The following TAOK3 variants were observed in gnomAD, a reference collection of about 807,000 sequenced individuals.
TAOK3 encodes the protein TAO kinase 3, also known as serine/threonine-protein kinase TAO3.
In TAOK3, 40 loss-of-function variants were observed where a neutral mutation model predicts 120.4. The ratio of observed to expected loss-of-function variants is 0.33; its 90% CI spans 0.26 to 0.43. TAOK3 has a LOEUF of 0.43. Among genes scored for constraint, TAOK3 ranks in the 20% least tolerant of loss-of-function variants. The pLI, the probability that TAOK3 is intolerant of heterozygous loss-of-function variation, is 1.00. For synonymous variants in TAOK3, 355 were observed against 387.5 expected, an observed-to-expected ratio of 0.92 and a Z score of 0.99; for missense variants, 821 against 1,112.1, an observed-to-expected ratio of 0.74 and a Z score of 3.72.
intron 1 of TAOK3, among the ~76,000 whole-genome samples, chr12:118,343,173 A>AT (rs2044698831): frequency 6.6e-6 from 1 of 152,156 alleles, no homozygotes; most frequent in South Asian, 2.1e-4. Context: ...CATGCCTGCA[A>AT]TCCCAGCACT....
At chr12:118,152,191 C>T (rs1203176289) in intron 20 of TAOK3, 36 bp downstream of exon 20, 2 of 1,591,108 alleles carry the variant, frequency 1.3e-6, no homozygotes, top group Non-Finnish European at 1.7e-6. Context: ...CCCCCTTCCA[C>T]CCAGTGGCAC....
At chr12:118,343,020 C>G (rs2044690939) in intron 1 of TAOK3, among the ~76,000 whole-genome samples, 1 of 146,328 alleles carries the variant, frequency 6.8e-6, no homozygotes, top group Non-Finnish European at 1.5e-5. Context: ...ACTTCAGATA[C>G]TGTTTCTTAG....
intron 15 of TAOK3, 71 bp from the exon 16 acceptor site, chr12:118,177,400 A>T (rs1398888760): frequency 2.0e-5 from 28 of 1,386,744 alleles, no homozygotes; most frequent in Non-Finnish European, 2.6e-5. Context: ...TATATTCTCC[A>T]GTGCAGTAAG....
At chr12:118,361,180 T>C (rs1051955406) in intron 1 of TAOK3, among the ~76,000 whole-genome samples, 1 of 152,182 alleles carries the variant, frequency 6.6e-6, no homozygotes, top group Non-Finnish European at 1.5e-5. Context: ...AATTTTATTA[T>C]TATTTTGGTC....
At position 118,161,583 on chromosome 12, in the gene TAOK3, T is replaced by A. The variant is rs1402536725; in HGVS notation, c.2139+205A>T. On this transcript the variant is annotated intron_variant, in intron 18 of 20. Transcript: ENST00000392533. This position sits in a 1 kb window ranked among gnomAD's most constrained non-coding sequence, Gnocchi z 4.5. The stretch of plus-strand genomic sequence containing the variant: ...TGACAAATTGATAGATAATGTAGTA[T>A]AATAATAGTTTCCAAACCAGCTTGC... 6.6e-6 allele frequency among the ~76,000 whole-genome samples: 1 copy of A among 152,218 alleles called. No homozygotes were observed. The highest frequency in any genetic ancestry group is 1.5e-5 in the Non-Finnish European group (1 of 68,038).
intron 1 of TAOK3, among the ~76,000 whole-genome samples, chr12:118,357,208 T>A (rs2045433274): frequency 6.6e-6 from 1 of 152,206 alleles, no homozygotes; most frequent in Non-Finnish European, 1.5e-5. Context: ...GAATCTCAAT[T>A]TCAAGCTAAA....
chr12:118,353,094 G>A (rs775744838), intron 1 of TAOK3, among the ~76,000 whole-genome samples: 41 of 152,068 alleles, frequency 2.7e-4, no homozygotes, highest in Non-Finnish European at 5.0e-4. Flanking sequence ...CTTATGCTAG[G>A]AACTGTGAAA....
intron 1 of TAOK3, among the ~76,000 whole-genome samples, chr12:118,295,887 A>G (rs2042662347): frequency 6.6e-6 from 1 of 152,248 alleles, no homozygotes; most frequent in South Asian, 2.1e-4. Context: ...TAGGCATTAG[A>G]AATCATTGTT....
chr12:118,168,520 T>G (rs73220123), intron 17 of TAOK3, among the ~76,000 whole-genome samples: 15,748 of 152,282 alleles, frequency 0.1, 1,081 homozygotes, highest in Middle Eastern at 0.31. Flanking sequence ...TAAAAAGAAC[T>G]TTCACTACTT....
At chr12:118,217,835 A>G (rs867695874) in intron 9 of TAOK3, among the ~76,000 whole-genome samples, 1,234 of 102,484 alleles carry the variant, frequency 0.012, 89 homozygotes, top group African/African-American at 0.037. Context: ...ATATATATAT[A>G]TATATATATA....
Position 118,321,662 on chromosome 12 carries a change from A to G in TAOK3, c.-194+50986T>C, listed in dbSNP as rs138903839. Among the ~76,000 whole-genome samples, 756 of 152,302 alleles carry G rather than the reference A, an allele frequency of 5.0e-3. 6 individuals are homozygous for G. The highest frequency in any genetic ancestry group is 0.014 in the Middle Eastern group (4 of 294). On this transcript the variant is annotated intron_variant, in intron 1 of 20. Coordinates refer to ENST00000392533, the MANE Select transcript of TAOK3 (RefSeq NM_016281.4). Reference sequence around the variant, plus strand: ...ATCCAGTTAGATTACAAGACATTTCAAAAAAAGAGAACCTAAACTTTCAGA... The same window carrying G: ...ATCCAGTTAGATTACAAGACATTTCGAAAAAAGAGAACCTAAACTTTCAGA...
chr12:118,280,310 C>A (rs1190005917), intron 1 of TAOK3, among the ~76,000 whole-genome samples: 1 of 152,212 alleles, frequency 6.6e-6, no homozygotes, highest in Non-Finnish European at 1.5e-5. Flanking sequence ...ACCCACCTGC[C>A]TCAGCCTTCC....
At chr12:118,194,694 CAT>C in intron 13 of TAOK3, among the ~76,000 whole-genome samples, 1 of 139,974 alleles carries the variant, frequency 7.1e-6, no homozygotes, top group East Asian at 2.2e-4. Flanking sequence ...AAAGAACTAA[CAT>C]TGACTAACAG....
rs1229540916 is a variant in TAOK3, at chr12:118,150,767, A to T, written c.*230T>A. 7 of 530,518 alleles carry T rather than the reference A, an allele frequency of 1.3e-5. No homozygotes were observed. Among genetic ancestry groups the T allele is most frequent in the Non-Finnish European group, 2.3e-5 (7 of 301,028 alleles). 32.9% of individuals were successfully genotyped at this position (530,518 alleles called of 1,614,324 possible). A position where few individuals can be genotyped will look rare whatever the true frequency, so the allele number is the denominator to read the frequency against. ...ATACTGTGACGTGTACTGTGAATAG[A>T]AGAGACGGCCAGGTTTTGGCCAGCA... On this transcript the variant is annotated 3_prime_UTR_variant, in exon 21 of 21. Transcript: ENST00000392533.
intron 9 of TAOK3, among the ~76,000 whole-genome samples, chr12:118,226,109 C>A (rs1019738848): frequency 1.8e-4 from 27 of 152,206 alleles, no homozygotes; most frequent in African/African-American, 6.5e-4. Flanking sequence ...GGTGCGGTGG[C>A]TCACGCCTGT....
intron 2 of TAOK3, among the ~76,000 whole-genome samples, chr12:118,258,908 C>A (rs1293463716): frequency 6.6e-6 from 1 of 151,948 alleles, no homozygotes; most frequent in African/African-American, 2.4e-5. Context: ...TTTTCAATCA[C>A]CAAAACACAT....
rs561696950 is a variant in TAOK3 at position 118,200,192 on chromosome 12, A to G, written c.988-935T>C. The G allele has an allele frequency of 7.2e-5, 11 of 152,384 alleles. No individual in the cohort carries two copies. The East Asian group carries it at 2.1e-3, about 29-fold the overall frequency. The allele number at this position is 152,384 out of a possible 1,614,324, so 9.4% of individuals were successfully genotyped here. A position where few individuals can be genotyped will look rare whatever the true frequency, so the allele number is the denominator to read the frequency against. On this transcript the variant is annotated intron_variant, in intron 12 of 20. Coordinates refer to ENST00000392533, the MANE Select transcript of TAOK3 (RefSeq NM_016281.4). ...TGCAATCAAGAAATTTTATAGTTCA[A>G]TGCAACTTTCCGAGCTTCATTTTTA...
At chr12:118,213,592 T>C (rs2038736110) in intron 10 of TAOK3, among the ~76,000 whole-genome samples, 1 of 152,002 alleles carries the variant, frequency 6.6e-6, no homozygotes, top group East Asian at 1.9e-4. Context: ...GTATGCTCTG[T>C]CTCAACACAT....
Position 118,189,910 on chromosome 12 carries a change from T to A in TAOK3, c.1226A>T (p.His409Leu), listed in dbSNP as rs1279394628. Residue 409 changes from histidine to leucine, a missense_variant, in exon 14 of 21, where the codon CAC becomes CTC. This residue lies in a region of TAOK3 where 467 missense variants were observed against 540.0 expected (regional missense o/e 0.86). Transcript: ENST00000392533. ...DHVFIRDEAG[H>L]GDPRPEPRPT... ...CCGCGGCTCAGGCCTGGGATCGCCGTGGCCCGCCTCATCCCTTATGAATAC... is the reference window on the plus strand; with the variant it reads ...CCGCGGCTCAGGCCTGGGATCGCCGAGGCCCGCCTCATCCCTTATGAATAC... 2.5e-6 allele frequency: 4 copies of A among 1,614,212 alleles called. No individual in the cohort carries two copies. Among genetic ancestry groups the A allele is most frequent in the Admixed American group, 1.7e-5 (1 of 60,024 alleles).
Sources: allele counts gnomAD v4.1 joint callset (sites outside exome capture counted in the v4.1 genomes callset), GRCh38; gene constraint gnomAD v4.1.1; regional missense constraint gnomAD v4.1.1; non-coding constraint Gnocchi (gnomAD v3.1); transcripts MANE v1.5; gene names NCBI Gene and HGNC (gene_info 2026-07-23, HGNC 2026-07-21).